METAP1: variants seen among roughly 807,000 people sequenced by gnomAD.
METAP1 encodes the protein methionine aminopeptidase 1.
Under a neutral mutation model 53.8 loss-of-function variants are expected in METAP1, and 28 were observed. The observed-to-expected ratio is 0.52, with a 90% CI of 0.39 to 0.71. The LOEUF is 0.71. Among genes scored for constraint, METAP1 ranks in the 30% least tolerant of loss-of-function variants. The pLI is 0.00. For missense variants in METAP1, 389 were observed against 479.8 expected (o/e 0.81, Z 1.77); for synonymous variants, 181 against 165.7 (o/e 1.09, Z -0.71).
chr4:99,025,514 A>G, intron 1 of METAP1: 1 of 931,676 alleles, frequency 1.1e-6, no homozygotes, highest in Non-Finnish European at 1.3e-6. Flanking sequence ...GGGGAATAAC[A>G]TGGCTATTTA....
intron 1 of METAP1, among the ~76,000 whole-genome samples, chr4:99,004,156 A>C (rs540758069): frequency 6.6e-6 from 1 of 152,206 alleles, no homozygotes; most frequent in South Asian, 2.1e-4. Context: ...CCAAGCTTCC[A>C]TGAGTTCAGT....
At chr4:99,044,326 A>T (rs115815427) in intron 7 of METAP1, among the ~76,000 whole-genome samples, 1,525 of 152,318 alleles carry the variant, frequency 0.01, 25 homozygotes, top group African/African-American at 0.035. Flanking sequence ...CAAGTGTTAG[A>T]GGCTGCAGAT....
chr4:99,028,815 T>C, intron 1 of METAP1, 52 bp from the exon 2 acceptor site: 13 of 1,301,490 alleles, frequency 1.0e-5, no homozygotes, highest in Non-Finnish European at 1.4e-5. Context: ...TTCCTTAAAA[T>C]GTTTCTTATT....
At chr4:99,024,247 C>T (rs1390045126) in intron 1 of METAP1, among the ~76,000 whole-genome samples, 2 of 152,152 alleles carry the variant, frequency 1.3e-5, no homozygotes, top group East Asian at 1.9e-4. Flanking sequence ...GACCCTCTCA[C>T]GCGGACCCCC....
intron 1 of METAP1, among the ~76,000 whole-genome samples, chr4:99,013,617 G>A (rs536403738): frequency 1.5e-4 from 23 of 152,304 alleles, no homozygotes; most frequent in Non-Finnish European, 2.1e-4. Context: ...GCTGTGTCCC[G>A]TTCCCATTGG....
At position 98,995,745 on chromosome 4, in the gene METAP1, G is replaced by C. The variant is rs2110264398; in HGVS notation, c.-9G>C. 6.5e-7 allele frequency: 1 copy of C among 1,544,078 alleles called. No homozygotes were observed. Among genetic ancestry groups the C allele is most frequent in the East Asian group, 2.5e-5 (1 of 39,952 alleles). On this transcript the variant is annotated 5_prime_UTR_variant, in exon 1 of 11. Transcript: ENST00000296411. ...CCTCGGTGAGGCGCTCTTCCAGCGG[G>C]CAGGCAGCATGGCGGCCGTGGAGAC...
intron 10 of METAP1, among the ~76,000 whole-genome samples, chr4:99,059,446 T>A (rs906834282): frequency 1.3e-5 from 2 of 152,334 alleles, no homozygotes; most frequent in Non-Finnish European, 2.9e-5. Context: ...CCTCGTATTT[T>A]CTTTTTAGCC....
chr4:99,060,962 G>A (rs1194636796), intron 10 of METAP1, among the ~76,000 whole-genome samples, 192 bp from the exon 11 acceptor site: 1 of 152,174 alleles, frequency 6.6e-6, no homozygotes, highest in Non-Finnish European at 1.5e-5. Context: ...TATAAAAAAT[G>A]TGGTTGTAAT....
At chr4:99,049,287 A>G (rs1007789131) in intron 9 of METAP1, among the ~76,000 whole-genome samples, 5 of 152,224 alleles carry the variant, frequency 3.3e-5, no homozygotes, top group Non-Finnish European at 5.9e-5. Context: ...GAATTCAGTC[A>G]CATGGCTACA....
chr4:99,055,092 T>A (rs3100628), intron 9 of METAP1, among the ~76,000 whole-genome samples: 118,651 of 149,876 alleles, frequency 0.79, 47,469 homozygotes, highest in East Asian at 0.99. Context: ...AATTTATTTT[T>A]AAAAAAAAAA....
At position 99,040,622 on chromosome 4, in the gene METAP1, C is replaced by A. The variant is rs998133222; in HGVS notation, c.433-421C>A. Among the ~76,000 whole-genome samples the A allele has an allele frequency of 2.7e-5, 4 of 150,260 alleles. No homozygotes were observed. The South Asian group carries it at 8.4e-4, about 32-fold the overall frequency. On this transcript the variant is annotated intron_variant, in intron 5 of 10. Transcript: ENST00000296411. Reference sequence around the variant, plus strand: ...CCTTCCACCTCAGCCTCCTGAGTAGCTGGGATCACAGGCATGTGCCACTAC... The same window carrying A: ...CCTTCCACCTCAGCCTCCTGAGTAGATGGGATCACAGGCATGTGCCACTAC...
In METAP1 at chr4:99,048,861, G is replaced by A. The variant is rs746188355; in HGVS notation, c.916G>A (p.Val306Ile). Reference sequence around the variant, plus strand: ...CAAGCTTTTTCATACAGCTCCCAATGTACCCCACTATGCTAGTAAGTACTA... The same window carrying A: ...CAAGCTTTTTCATACAGCTCCCAATATACCCCACTATGCTAGTAAGTACTA... The part of the protein sequence containing the change: ...IHKLFHTAPN[V>I]PHYAKNKAVG... Residue 306 changes from valine to isoleucine, a missense_variant, in exon 9 of 11, where the codon GTA becomes ATA. Coordinates refer to ENST00000296411, the MANE Select transcript of METAP1 (RefSeq NM_015143.3). The A allele has an allele frequency of 8.1e-6, 13 of 1,613,950 alleles. No homozygotes were observed. Among genetic ancestry groups the A allele is most frequent in the Non-Finnish European group, 1.1e-5 (13 of 1,179,862 alleles).
At chr4:99,008,635 G>T (rs1387560857) in intron 1 of METAP1, among the ~76,000 whole-genome samples, 2 of 152,088 alleles carry the variant, frequency 1.3e-5, no homozygotes, top group African/African-American at 4.8e-5. Flanking sequence ...AATTACCCCT[G>T]TGTTTTTTGG....
rs1001978139 is a variant in METAP1 at position 99,018,421 on chromosome 4, T to C, written c.115-10446T>C. Among the ~76,000 whole-genome samples the C allele has an allele frequency of 5.3e-5, 8 of 152,338 alleles. No homozygotes were observed. In the East Asian group the frequency reaches 7.7e-4, roughly 15 times the overall value. ...AAATGTGGTGGAGTGTCTGTCTTTC[T>C]AATAATCCTATCTAGAGCATGAGTA... is the stretch of plus-strand genomic sequence containing the variant. On this transcript the variant is annotated intron_variant, in intron 1 of 10. Transcript: ENST00000296411.
chr4:99,034,727 C>T (rs181141705), intron 3 of METAP1, among the ~76,000 whole-genome samples: 45 of 152,256 alleles, frequency 3.0e-4, no homozygotes, highest in African/African-American at 7.5e-4. Flanking sequence ...GTCAACCTTC[C>T]GTATCACAGA....
intron 4 of METAP1, chr4:99,038,030 T>G (rs915958084): frequency 4.6e-5 from 7 of 152,012 alleles, no homozygotes; most frequent in Admixed American, 3.3e-4. Flanking sequence ...TTGTTAAATT[T>G]ATTCCTGGGT....
intron 1 of METAP1, among the ~76,000 whole-genome samples, chr4:99,025,796 T>C (rs183619155): frequency 1.3e-5 from 2 of 152,268 alleles, no homozygotes; most frequent in Admixed American, 1.3e-4. Flanking sequence ...ATAAGAAATA[T>C]TTACAGTCTA....
intron 9 of METAP1, among the ~76,000 whole-genome samples, chr4:99,054,417 G>A (rs1726950916): frequency 6.6e-6 from 1 of 152,208 alleles, no homozygotes; most frequent in Non-Finnish European, 1.5e-5. Context: ...GAGAGTTAGT[G>A]CCTTGCTCTG....
chr4:99,044,450 G>A (rs1258398028), intron 7 of METAP1, among the ~76,000 whole-genome samples: 2 of 152,042 alleles, frequency 1.3e-5, no homozygotes, highest in African/African-American at 2.4e-5. Flanking sequence ...AGTTCCATAG[G>A]TTTTGAGGCC....
Sources: gnomAD v4.1 joint callset for allele counts (sites outside exome capture counted in the v4.1 genomes callset) on GRCh38, gnomAD v4.1.1 for gene constraint, MANE v1.5 for transcripts, NCBI Gene and HGNC (gene_info 2026-07-23, HGNC 2026-07-21) for gene names.